Variants in UNC5B observed in about 807,000 individuals in gnomAD.
UNC5B encodes the protein netrin receptor UNC5B.
Under a neutral mutation model 103.7 loss-of-function variants are expected in UNC5B, and 56 were observed. That is an observed-to-expected ratio of 0.54 (90% CI 0.44 to 0.67). The LOEUF is 0.67. Ranked by LOEUF, UNC5B falls within the 30% of genes least tolerant of loss-of-function variation. The pLI, the probability that UNC5B is intolerant of heterozygous loss-of-function variation, is 0.00. For synonymous variants in UNC5B, 577 were observed against 542.0 expected (o/e 1.06, Z -0.90); for missense variants, 1,194 against 1,284.5 (o/e 0.93, Z 1.08).
intron 2 of UNC5B, among the ~76,000 whole-genome samples, chr10:71,281,212 G>A (rs1441898899): frequency 6.6e-6 from 1 of 152,106 alleles, no homozygotes; most frequent in Non-Finnish European, 1.5e-5. Context: ...CGAGGTCACT[G>A]AACCATATGC....
chr10:71,222,702 T>C (rs1038298300), intron 1 of UNC5B, among the ~76,000 whole-genome samples: 1 of 152,120 alleles, frequency 6.6e-6, no homozygotes, highest in Non-Finnish European at 1.5e-5. Context: ...TGGTCCCTGG[T>C]GTTCACCTGG....
At chr10:71,287,574 C>A in intron 5 of UNC5B, 24 bp from the exon 6 acceptor site, 1 of 1,573,448 alleles carries the variant, frequency 6.4e-7, no homozygotes, top group Non-Finnish European at 8.6e-7. Flanking sequence ...CCAAGCCATC[C>A]AGTTGACAGC....
chr10:71,234,529 G>T (rs1473962950), intron 1 of UNC5B, among the ~76,000 whole-genome samples: 1 of 152,216 alleles, frequency 6.6e-6, no homozygotes, highest in African/African-American at 2.4e-5. Flanking sequence ...ACCTTCCTTT[G>T]GTCTGTCAAG....
intron 1 of UNC5B, among the ~76,000 whole-genome samples, chr10:71,219,948 T>C (rs1011772149): frequency 3.3e-5 from 5 of 152,306 alleles, no homozygotes; most frequent in Admixed American, 2.0e-4. Flanking sequence ...GGATGGGGGC[T>C]AGCTAGCTGG....
At chr10:71,244,574 T>G (rs1030147186) in intron 1 of UNC5B, among the ~76,000 whole-genome samples, 2 of 152,208 alleles carry the variant, frequency 1.3e-5, no homozygotes, top group African/African-American at 4.8e-5. Context: ...AGGCCCCTGC[T>G]TCTTTCTGAG....
At chr10:71,225,971 T>G (rs1415778668) in intron 1 of UNC5B, among the ~76,000 whole-genome samples, 1 of 152,176 alleles carries the variant, frequency 6.6e-6, no homozygotes, top group Non-Finnish European at 1.5e-5. Flanking sequence ...CACTCAAGCT[T>G]CTAGGACAAA....
intron 1 of UNC5B, among the ~76,000 whole-genome samples, chr10:71,226,167 C>T (rs1843559712): frequency 6.6e-6 from 1 of 152,162 alleles, no homozygotes; most frequent in African/African-American, 2.4e-5. Flanking sequence ...CTCTGCCTCC[C>T]AGGTTCAAGT....
intron 13 of UNC5B, among the ~76,000 whole-genome samples, chr10:71,295,526 T>C (rs112077145): frequency 6.6e-6 from 1 of 152,244 alleles, no homozygotes; most frequent in Non-Finnish European, 1.5e-5. Context: ...TATTCATCTG[T>C]CTGTCTTTCT....
At chr10:71,261,402 C>G (rs988762713) in intron 1 of UNC5B, among the ~76,000 whole-genome samples, 1 of 152,184 alleles carries the variant, frequency 6.6e-6, no homozygotes, top group Non-Finnish European at 1.5e-5. Context: ...ACTAGATTGA[C>G]TCTATAGCCC....
intron 2 of UNC5B, among the ~76,000 whole-genome samples, chr10:71,283,914 C>A (rs543674282): frequency 6.6e-6 from 1 of 152,324 alleles, no homozygotes; most frequent in Non-Finnish European, 1.5e-5. Context: ...GGCATCCCAC[C>A]TCTGCACGTG....
At chr10:71,227,665 T>C (rs556349440) in intron 1 of UNC5B, among the ~76,000 whole-genome samples, 3 of 142,938 alleles carry the variant, frequency 2.1e-5, no homozygotes, top group South Asian at 2.1e-4. Context: ...TACATATATA[T>C]ACACATATAT....
intron 12 of UNC5B, 41 bp from the exon 13 acceptor site, chr10:71,293,659 A>C (rs1845327145): frequency 6.2e-7 from 1 of 1,603,586 alleles, no homozygotes; most frequent in Admixed American, 1.7e-5. Flanking sequence ...GCCCAGCCTG[A>C]ATAACTGTGA....
At chr10:71,214,055 G>T (rs1037357948) in intron 1 of UNC5B, among the ~76,000 whole-genome samples, 7 of 152,068 alleles carry the variant, frequency 4.6e-5, no homozygotes, top group Non-Finnish European at 8.8e-5. Flanking sequence ...CCTCTCTCTG[G>T]TACCCGAACC....
chr10:71,231,304 G>A (rs905749884), intron 1 of UNC5B, among the ~76,000 whole-genome samples: 2 of 152,192 alleles, frequency 1.3e-5, no homozygotes, highest in Non-Finnish European at 2.9e-5. Flanking sequence ...CATTGCTAGA[G>A]TCGTCATTTC....
intron 1 of UNC5B, among the ~76,000 whole-genome samples, chr10:71,264,870 G>T (rs191017910): frequency 6.6e-6 from 1 of 151,394 alleles, no homozygotes; most frequent in African/African-American, 2.4e-5. Flanking sequence ...GCCATGGCTC[G>T]TACCTGTAAT....
At chr10:71,231,113 T>G (rs1843673378) in intron 1 of UNC5B, among the ~76,000 whole-genome samples, 1 of 152,230 alleles carries the variant, frequency 6.6e-6, no homozygotes, top group South Asian at 2.1e-4. Context: ...ATAGGATTCC[T>G]TATATGAAAG....
chr10:71,259,385 C>CAAA lies in UNC5B; in HGVS notation c.80-20422_80-20420dup, dbSNP rs57245329. Among the ~76,000 whole-genome samples the CAAA allele has an allele frequency of 3.9e-3, 348 of 90,320 alleles. 1 individual carries two copies. The highest frequency in any genetic ancestry group is 0.012 in the African/African-American group (327 of 27,820). The allele number at this position is 90,320 out of a possible 152,430, so 59.3% of individuals were successfully genotyped here. On this transcript the variant is annotated intron_variant, in intron 1 of 16. Coordinates refer to ENST00000335350, the MANE Select transcript of UNC5B (RefSeq NM_170744.5). ...TGGGTGATATAGCGAGACTCCATCTCAAAAAAAAAAAAAAAAGGAAAAGAG... is the reference window on the plus strand; with the variant it reads ...TGGGTGATATAGCGAGACTCCATCTCAAAAAAAAAAAAAAAAAAAGGAAAAGAG...
intron 1 of UNC5B, among the ~76,000 whole-genome samples, chr10:71,220,649 T>A (rs1001730194): frequency 1.2e-4 from 18 of 152,164 alleles, no homozygotes; most frequent in Admixed American, 7.2e-4. Flanking sequence ...AATAATAACA[T>A]CATCCTCAGA....
chr10:71,299,193 G>A lies in UNC5B; in HGVS notation c.2754G>A (p.Gly918=), dbSNP rs1046760287. Residue 918 remains glycine (G), a synonymous_variant, in exon 17 of 17, where the codon GGG becomes GGA. Coordinates refer to ENST00000335350, the MANE Select transcript of UNC5B (RefSeq NM_170744.5). ...GGGAAGCTCTGCAGCAGGACGATGG[G>A]GACCTCAACAGCCTGGCGAGTGCCT... ...DLWEALQQDD[G]DLNSLASALE... 13 of 1,614,230 alleles carry A rather than the reference G, an allele frequency of 8.1e-6. No individual in the cohort carries two copies. The highest frequency in any genetic ancestry group is 1.1e-5 in the Non-Finnish European group (13 of 1,180,040).
Sources: gnomAD v4.1 joint callset for allele counts (sites outside exome capture counted in the v4.1 genomes callset) on GRCh38, gnomAD v4.1.1 for gene constraint, MANE v1.5 for transcripts, NCBI Gene and HGNC (gene_info 2026-07-23, HGNC 2026-07-21) for gene names.